WNK3: variants seen among roughly 807,000 people sequenced by gnomAD.
The protein encoded by WNK3 is WNK lysine deficient protein kinase 3, also known as serine/threonine-protein kinase WNK3.
A neutral mutation model predicts 116.7 loss-of-function variants in WNK3; 18 were observed. The ratio of observed to expected loss-of-function variants is 0.15; its 90% CI spans 0.11 to 0.23. WNK3 has a LOEUF of 0.23. Ranked by LOEUF, WNK3 falls within the 10% of genes least tolerant of loss-of-function variation. The pLI is 1.00. For missense variants in WNK3, 993 were observed against 1,323.8 expected (o/e 0.75, Z 3.88); for synonymous variants, 404 against 469.4 (o/e 0.86, Z 1.80).
chrX:54,270,933 C>A (rs187280628), intron 10 of WNK3, among the ~76,000 whole-genome samples: 3 of 111,373 alleles, frequency 2.7e-5, no homozygotes, highest in Non-Finnish European at 5.7e-5. Context: ...TATGGCTGCA[C>A]GCCTGGCTAA....
chrX:54,231,519 G>A (rs1239383858), intron 21 of WNK3, among the ~76,000 whole-genome samples: 1 of 111,469 alleles, frequency 9.0e-6, no homozygotes, highest in Non-Finnish European at 1.9e-5. Context: ...CCATTCCTTG[G>A]TCTGTGGCAC....
At chrX:54,272,345 G>A (rs2068392880) in intron 10 of WNK3, among the ~76,000 whole-genome samples, 1 of 111,038 alleles carries the variant, frequency 9.0e-6, no homozygotes, top group Admixed American at 9.7e-5. Flanking sequence ...CTACCTGGGA[G>A]GCTGAGGCAG....
At chrX:54,214,945 G>A (rs782027458) in intron 22 of WNK3, among the ~76,000 whole-genome samples, 3 of 108,688 alleles carry the variant, frequency 2.8e-5, no homozygotes, top group East Asian at 2.9e-4. Flanking sequence ...CCCAGGAGGC[G>A]GAGCTTGCAG....
At position 54,331,696 on chromosome X, in the gene WNK3, T is replaced by C. The variant is rs782447095; in HGVS notation, c.537+1441A>G. On this transcript the variant is annotated intron_variant, in intron 2 of 23. Transcript: ENST00000354646. ...AAATTAGAAGCACTTAGAAAGTTTT[T>C]AAAAATTGCAGTCTTGCACCCCAAT... Among the ~76,000 whole-genome samples the C allele has an allele frequency of 6.3e-5, 7 of 111,644 alleles. No homozygotes were observed. In the East Asian group the frequency reaches 1.7e-3, roughly 27 times the overall value.
intron 1 of WNK3, among the ~76,000 whole-genome samples, chrX:54,342,552 G>GT (rs782182334): frequency 9.1e-6 from 1 of 109,453 alleles, no homozygotes; most frequent in East Asian, 2.9e-4. Context: ...GGTGACAAGA[G>GT]TGAAATCTGT....
At chrX:54,326,215 C>T (rs1330959578) in intron 2 of WNK3, among the ~76,000 whole-genome samples, 9 of 108,048 alleles carry the variant, frequency 8.3e-5, no homozygotes, top group African/African-American at 2.4e-4. Flanking sequence ...CTCAGCCTCC[C>T]GAGTAGCTGG....
intron 11 of WNK3, among the ~76,000 whole-genome samples, chrX:54,257,295 T>G (rs1015978900): frequency 1.8e-5 from 2 of 110,696 alleles, no homozygotes; most frequent in African/African-American, 6.6e-5. Flanking sequence ...GAGTATAGCC[T>G]GTAGAGCACA....
At chrX:54,214,481 C>T (rs1331146368) in intron 22 of WNK3, among the ~76,000 whole-genome samples, 2 of 111,406 alleles carry the variant, frequency 1.8e-5, no homozygotes, top group African/African-American at 6.5e-5. Flanking sequence ...TATTCAAAAA[C>T]AATAAAAATA....
At chrX:54,231,117 C>G (rs782517004) in intron 21 of WNK3, among the ~76,000 whole-genome samples, 2 of 112,169 alleles carry the variant, frequency 1.8e-5, no homozygotes, top group Non-Finnish European at 3.8e-5. Context: ...AAAGCAGAAA[C>G]TATGCATAAA....
chrX:54,308,150 C>A, intron 4 of WNK3, 71 bp from the exon 5 acceptor site: 1 of 932,371 alleles, frequency 1.1e-6, no homozygotes, highest in South Asian at 3.1e-5. Context: ...CATCCCCTTT[C>A]CTATAAGGAT....
At chrX:54,237,328 G>C in exon 20 of WNK3, 2 of 1,211,468 alleles carry the variant, frequency 1.7e-6, no homozygotes, top group Non-Finnish European at 2.2e-6. Flanking sequence ...ACCTTGTTTG[G>C]GAACTCCTTT....
Position 54,308,083 on chromosome X carries a change from C to T in WNK3, c.932-4G>A. The T allele has an allele frequency of 2.5e-6, 3 of 1,177,130 alleles. No individual in the cohort carries two copies. Among genetic ancestry groups the T allele is most frequent in the Non-Finnish European group, 3.4e-6 (3 of 876,339 alleles). Reference sequence around the variant, plus strand: ...GGAGCCATAAACTCAGGAGTTCCTACAAAATAACACCACCACCACATTCTT... The same window carrying T: ...GGAGCCATAAACTCAGGAGTTCCTATAAAATAACACCACCACCACATTCTT... On this transcript the variant is annotated splice_region_variant and splice_polypyrimidine_tract_variant and intron_variant, in intron 4 of 23. Coordinates refer to ENST00000354646, the Ensembl canonical transcript of WNK3.
At chrX:54,263,059 C>A (rs1347831641) in intron 10 of WNK3, among the ~76,000 whole-genome samples, 1 of 110,764 alleles carries the variant, frequency 9.0e-6, no homozygotes. Context: ...TAATGCCAAA[C>A]CTCGGGAAGG....
intron 10 of WNK3, among the ~76,000 whole-genome samples, chrX:54,276,927 G>C (rs1372886806): frequency 8.9e-6 from 1 of 111,891 alleles, no homozygotes; most frequent in Non-Finnish European, 1.9e-5. Flanking sequence ...ATGTTGGCGA[G>C]GCTGTTATTG....
intron 2 of WNK3, among the ~76,000 whole-genome samples, chrX:54,313,796 C>G (rs1433597616): frequency 8.9e-6 from 1 of 112,024 alleles, no homozygotes; most frequent in African/African-American, 3.2e-5. Flanking sequence ...TTGATGTCTA[C>G]AAGTTTTTGA....
intron 6 of WNK3, among the ~76,000 whole-genome samples, chrX:54,301,242 CAA>C (rs782232400): frequency 4.9e-4 from 17 of 34,996 alleles, no homozygotes; most frequent in African/African-American, 9.3e-4. Context: ...GACTCTGTCT[CAA>C]AAAAAAAAAA....
intron 1 of WNK3, among the ~76,000 whole-genome samples, chrX:54,348,650 A>C (rs2069471385): frequency 8.9e-6 from 1 of 112,023 alleles, no homozygotes; most frequent in African/African-American, 3.2e-5. Flanking sequence ...CTTTTACCCC[A>C]GAGTCTTGAC....
chrX:54,296,281 T>G (rs1335013199), intron 7 of WNK3, among the ~76,000 whole-genome samples: 1 of 110,997 alleles, frequency 9.0e-6, no homozygotes, highest in Non-Finnish European at 1.9e-5. Flanking sequence ...CCCAAACCTG[T>G]GCATATGAGA....
chrX:54,341,612 T>TA (rs200342739), intron 1 of WNK3, among the ~76,000 whole-genome samples: 25 of 106,057 alleles, frequency 2.4e-4, no homozygotes, highest in Admixed American at 5.1e-4. Context: ...TAAAAAATAA[T>TA]AAAAAAAAAG....
Sources: allele counts gnomAD v4.1 joint callset (sites outside exome capture counted in the v4.1 genomes callset), GRCh38; gene constraint gnomAD v4.1.1; transcripts MANE v1.5; gene names NCBI Gene and HGNC (gene_info 2026-07-23, HGNC 2026-07-21).